FAM135B: variants seen among roughly 807,000 people sequenced by gnomAD.
The protein encoded by FAM135B is family with sequence similarity 135 member B, also known as protein FAM135B.
Under a neutral mutation model 127.7 loss-of-function variants are expected in FAM135B, and 43 were observed. That is an observed-to-expected ratio of 0.34 (90% confidence interval 0.26 to 0.43). FAM135B has a LOEUF of 0.43. FAM135B is among the 20% of genes least tolerant of loss of function. FAM135B has a pLI of 1.00. For missense variants in FAM135B, 1,558 were observed against 1,725.6 expected (o/e 0.90, Z 1.72); for synonymous variants, 670 against 665.1 (o/e 1.01, Z -0.11).
rs1246776341 is a variant in FAM135B at position 138,152,525 on chromosome 8, C to T, written c.1950G>A (p.Glu650=). Residue 650 remains glutamate, a synonymous_variant, in exon 13 of 20, where the codon GAG becomes GAA. Coordinates refer to ENST00000395297, the MANE Select transcript of FAM135B (RefSeq NM_015912.4). ...PCDPLSSTLR[E]PLDIRSSLKD... ...TTAGGGAAGACCTAATATCTAAGGG[C>T]TCCCTCAGGGTAGAACTTAGTGGAT... 1 of 1,614,166 alleles carries T rather than the reference C, an allele frequency of 6.2e-7. No individual in the cohort carries two copies. The highest frequency in any genetic ancestry group is 1.3e-5 in the African/African-American group (1 of 75,052).
At chr8:138,494,159 C>G (rs1815299008) in intron 1 of FAM135B, among the ~76,000 whole-genome samples, 1 of 152,210 alleles carries the variant, frequency 6.6e-6, no homozygotes, top group South Asian at 2.1e-4. Flanking sequence ...AGTGGGTTGA[C>G]CCTAAATAAT....
rs1816263411 is a variant in FAM135B, at chr8:138,132,124, G to C, written c.*469C>G. ...AACAACTGACACATTTGAATCTATTGAGGATTCTATTTACACAAATATGTT... is the reference window on the plus strand; with the variant it reads ...AACAACTGACACATTTGAATCTATTCAGGATTCTATTTACACAAATATGTT... On this transcript the variant is annotated 3_prime_UTR_variant, in exon 20 of 20. Coordinates refer to ENST00000395297, the MANE Select transcript of FAM135B (RefSeq NM_015912.4). The surrounding 1 kb of genome is among the most constrained non-coding windows in gnomAD (Gnocchi z 4.5). The C allele has an allele frequency of 6.3e-6, 1 of 159,542 alleles. No homozygotes were observed. Among genetic ancestry groups the C allele is most frequent in the Non-Finnish European group, 1.4e-5 (1 of 72,476 alleles). The allele number at this position is 159,542 out of a possible 1,614,324, so 9.9% of individuals were successfully genotyped here.
chr8:138,496,631 A>G (rs1220313893), intron 1 of FAM135B, 40 bp downstream of exon 1: 4 of 152,144 alleles, frequency 2.6e-5, no homozygotes, highest in African/African-American at 9.7e-5. Context: ...CACCGACGAG[A>G]GAGTTTTGCA....
At chr8:138,483,073 C>A (rs1176480967) in intron 1 of FAM135B, among the ~76,000 whole-genome samples, 1 of 150,654 alleles carries the variant, frequency 6.6e-6, no homozygotes, top group Non-Finnish European at 1.5e-5. Flanking sequence ...CAGGAACAAT[C>A]AATTTAAAAT....
chr8:138,474,732 T>C (rs1814304457), intron 1 of FAM135B, among the ~76,000 whole-genome samples: 1 of 152,198 alleles, frequency 6.6e-6, no homozygotes, highest in Non-Finnish European at 1.5e-5. Flanking sequence ...TTATGCATTT[T>C]ACTTTCTGTT....
chr8:138,223,846 T>C (rs1376846952), intron 7 of FAM135B, among the ~76,000 whole-genome samples: 1 of 152,208 alleles, frequency 6.6e-6, no homozygotes, highest in Non-Finnish European at 1.5e-5. Context: ...CGTGGAATAC[T>C]ATGCAGCCAT....
intron 2 of FAM135B, among the ~76,000 whole-genome samples, chr8:138,337,199 A>G (rs1828667246): frequency 6.6e-6 from 1 of 151,750 alleles, no homozygotes; most frequent in Non-Finnish European, 1.5e-5. Context: ...AACTGGCACA[A>G]GACAGGGATG....
At chr8:138,462,514 A>C (rs1431788844) in intron 1 of FAM135B, among the ~76,000 whole-genome samples, 1 of 152,180 alleles carries the variant, frequency 6.6e-6, no homozygotes, top group Admixed American at 6.5e-5. Flanking sequence ...TCCAACTCTC[A>C]CCCAGAGGGT....
intron 1 of FAM135B, among the ~76,000 whole-genome samples, chr8:138,420,990 C>T (rs1834468131): frequency 1.3e-5 from 2 of 152,128 alleles, no homozygotes; most frequent in Non-Finnish European, 2.9e-5. Context: ...AAAGTACTAG[C>T]CAGAGCAATA....
chr8:138,231,514 T>TAA (rs1280692769), intron 7 of FAM135B, among the ~76,000 whole-genome samples: 183 of 152,242 alleles, frequency 1.2e-3, no homozygotes, highest in African/African-American at 4.3e-3. Flanking sequence ...AATATAACAT[T>TAA]TTATTAAGGA....
At position 138,151,471 on chromosome 8, in the gene FAM135B, C is replaced by G. The variant is rs949956976; in HGVS notation, c.3004G>C (p.Glu1002Gln). The G allele has an allele frequency of 6.2e-7, 1 of 1,614,222 alleles. No individual in the cohort carries two copies. The highest frequency in any genetic ancestry group is 8.5e-7 in the Non-Finnish European group (1 of 1,180,040). ...SVHSQVLKNQELKAGTSIMGS... is the reference protein window; with the variant it reads ...SVHSQVLKNQQLKAGTSIMGS... ...ATGATGGAAGTGCCTGCCTTCAGCTCTTGGTTTTTCAAAACCTGGGAATGA... is the reference window on the plus strand; with the variant it reads ...ATGATGGAAGTGCCTGCCTTCAGCTGTTGGTTTTTCAAAACCTGGGAATGA... Residue 1002 changes from glutamate (E) to glutamine (Q), a missense_variant, in exon 13 of 20, where the codon GAG (glutamate) becomes CAG (glutamine). By Grantham distance (29) the Glu-to-Gln change is conservative. Coordinates refer to ENST00000395297, the MANE Select transcript of FAM135B (RefSeq NM_015912.4).
At chr8:138,148,740 G>A (rs1387661741) in intron 13 of FAM135B, 54 bp from the exon 14 acceptor site, 1 of 1,394,136 alleles carries the variant, frequency 7.2e-7, no homozygotes, top group African/African-American at 1.4e-5. Context: ...ATGTTGAACA[G>A]GAAATGAGCT....
chr8:138,154,993 T>A (rs188667693), intron 12 of FAM135B, among the ~76,000 whole-genome samples: 3 of 152,192 alleles, frequency 2.0e-5, no homozygotes, highest in Admixed American at 1.3e-4. Context: ...CACATAATTA[T>A]CAGATTCACC....
chr8:138,266,985 T>A (rs752144600), intron 3 of FAM135B, among the ~76,000 whole-genome samples: 1 of 152,080 alleles, frequency 6.6e-6, no homozygotes, highest in African/African-American at 2.4e-5. Flanking sequence ...AACAAACCCA[T>A]AAGGTAAATT....
chr8:138,407,160 G>A (rs1230661288), intron 1 of FAM135B, among the ~76,000 whole-genome samples: 1 of 150,048 alleles, frequency 6.7e-6, no homozygotes, highest in Non-Finnish European at 1.5e-5. Flanking sequence ...ATTCACAATT[G>A]CTTCAAAGAG....
intron 1 of FAM135B, chr8:138,437,058 C>T (rs1248819117): frequency 6.6e-6 from 1 of 152,132 alleles, no homozygotes; most frequent in Non-Finnish European, 1.5e-5. Context: ...CCTCCTCCAA[C>T]GGTGTTACTT....
At chr8:138,447,595 A>G (rs1836251697) in intron 1 of FAM135B, among the ~76,000 whole-genome samples, 1 of 143,130 alleles carries the variant, frequency 7.0e-6, no homozygotes, top group Non-Finnish European at 1.5e-5. Flanking sequence ...ATAGGTGGGA[A>G]TTGAATAATG....
chr8:138,153,265 T>G (rs1818358087), intron 12 of FAM135B, 49 bp from the exon 13 acceptor site: 1 of 1,396,494 alleles, frequency 7.2e-7, no homozygotes, highest in South Asian at 1.5e-5. Context: ...AGAATCTGTG[T>G]TTACAAGTTA....
chr8:138,418,325 T>G (rs192341493), intron 1 of FAM135B, among the ~76,000 whole-genome samples: 1 of 152,220 alleles, frequency 6.6e-6, no homozygotes, highest in Admixed American at 6.5e-5. Flanking sequence ...TATGACTCAT[T>G]GGCATCGCAG....
Sources: allele counts gnomAD v4.1 joint callset (sites outside exome capture counted in the v4.1 genomes callset), GRCh38; gene constraint gnomAD v4.1.1; non-coding constraint Gnocchi (gnomAD v3.1); transcripts MANE v1.5; gene names NCBI Gene and HGNC (gene_info 2026-07-23, HGNC 2026-07-21).